CHD1: variants seen among roughly 807,000 people sequenced by gnomAD.
CHD1 encodes the protein chromodomain helicase DNA binding protein 1.
In CHD1, 36 loss-of-function variants were observed where a neutral mutation model predicts 224.2. That is an observed-to-expected ratio of 0.16 (90% confidence interval 0.12 to 0.21). The LOEUF (loss-of-function observed/expected upper bound fraction) is 0.21, where lower values mean the gene tolerates loss of function less well. Among genes scored for constraint, CHD1 ranks in the 10% least tolerant of loss-of-function variants. The pLI is 1.00. For missense variants in CHD1, 1,378 were observed against 1,994.8 expected (o/e 0.69, Z 5.89); for synonymous variants, 668 against 658.3 (o/e 1.01, Z -0.23).
At chr5:98,924,650 T>C (rs946970295) in intron 2 of CHD1, among the ~76,000 whole-genome samples, 1 of 152,204 alleles carries the variant, frequency 6.6e-6, no homozygotes, top group Non-Finnish European at 1.5e-5. Context: ...TGAAAGCTGA[T>C]AAACTAAAGT....
At chr5:98,869,246 T>C (rs1412115586) in intron 30 of CHD1, 4 of 985,570 alleles carry the variant, frequency 4.1e-6, no homozygotes, top group African/African-American at 1.7e-5. Context: ...TTTAATTTTT[T>C]TATTTGGATG....
At chr5:98,913,721 T>C (rs1752565721) in intron 2 of CHD1, among the ~76,000 whole-genome samples, 1 of 152,190 alleles carries the variant, frequency 6.6e-6, no homozygotes, top group Non-Finnish European at 1.5e-5. Context: ...AAGGAAAAGA[T>C]GTTATTAGTT....
intron 18 of CHD1, among the ~76,000 whole-genome samples, chr5:98,885,162 C>T (rs984578972): frequency 6.6e-6 from 1 of 152,138 alleles, no homozygotes; most frequent in African/African-American, 2.4e-5. Context: ...GAGGCTGAGG[C>T]AGGTGGATCA....
At chr5:98,903,011 T>G (rs779642143) in intron 4 of CHD1, 47 bp from the exon 5 acceptor site, 9 of 1,153,590 alleles carry the variant, frequency 7.8e-6, no homozygotes, top group Non-Finnish European at 1.0e-5. Flanking sequence ...TGATTAGAAT[T>G]TAACCATATT....
chr5:98,904,959 C>G lies in CHD1; in HGVS notation c.193G>C (p.Glu65Gln). ...GSESGSQSES[E>Q]SDTSRENKVQ... The stretch of plus-strand genomic sequence containing the variant: ...TTGTTTTCTCGGGAAGTGTCTGACT[C>G]AGACTCTGACTGACTGCCTGATTCA... The change falls in exon 3 of 36, where the codon GAG becomes CAG. Residue 65 changes from glutamate (E) to glutamine (Q), a missense_variant. Physicochemically the swap from Glu to Gln is conservative, Grantham distance 29 (BLOSUM62 2). Around this residue, in one of 16 missense-constraint regions of CHD1, gnomAD observed 306 missense variants for 298.1 expected, o/e 1.03. Coordinates refer to ENST00000614616, the MANE Select transcript of CHD1 (RefSeq NM_001270.4). The G allele has an allele frequency of 6.2e-7, 1 of 1,612,688 alleles. No homozygotes were observed. The highest frequency in any genetic ancestry group is 8.5e-7 in the Non-Finnish European group (1 of 1,178,658).
Position 98,881,603 on chromosome 5 carries a change from G to A in CHD1, c.2868-228C>T, listed in dbSNP as rs1411464095. On this transcript the variant is annotated intron_variant, in intron 20 of 35. Transcript: ENST00000614616. ...TAGCTCACTGCAACCTCCGCCTCCC[G>A]GGCTCAACTGATCCTCCCACCTCAG... 4.6e-5 allele frequency among the ~76,000 whole-genome samples: 7 copies of A among 151,292 alleles called. No individual in the cohort carries two copies. The East Asian group carries it at 7.7e-4, about 17-fold the overall frequency.
chr5:98,901,108 A>T, intron 6 of CHD1, 26 bp from the exon 7 acceptor site: 1 of 1,566,708 alleles, frequency 6.4e-7, no homozygotes, highest in Non-Finnish European at 8.6e-7. Flanking sequence ...GAGAAAAAAA[A>T]ACAAGATTTG....
intron 30 of CHD1, 128 bp downstream of exon 30, chr5:98,869,626 A>G (rs1010871426): frequency 5.2e-4 from 286 of 549,746 alleles, no homozygotes; most frequent in African/African-American, 2.6e-3. Context: ...GCGCGCGCAC[A>G]CACACACACA....
chr5:98,926,918 T>TGG lies in CHD1; in HGVS notation c.-148-386_-148-385dup, dbSNP rs34603767. Among the ~76,000 whole-genome samples, 494 of 59,680 alleles carry TGG rather than the reference T, an allele frequency of 8.3e-3. 6 individuals are homozygous for TGG. The highest frequency in any genetic ancestry group is 0.03 in the African/African-American group (426 of 14,064). 39.2% of individuals were successfully genotyped at this position (59,680 alleles called of 152,430 possible). A position where few individuals can be genotyped will look rare whatever the true frequency, so the allele number is the denominator to read the frequency against. ...AGATAACTTGGTCGAATAAATGAAG[T>TGG]GGGGGGGGGGGTGGGAGGAGGTTAC... On this transcript the variant is annotated intron_variant, in intron 1 of 35. Transcript: ENST00000614616.
Position 98,904,981 on chromosome 5 carries a change from T to C in CHD1, c.171A>G (p.Glu57=). 6.3e-7 allele frequency: 1 copy of C among 1,598,408 alleles called. No individual in the cohort carries two copies. Among genetic ancestry groups the C allele is most frequent in the African/African-American group, 1.3e-5 (1 of 74,704 alleles). The change falls in exon 3 of 36, where the codon GAA becomes GAG. Residue 57 remains glutamate, a synonymous_variant. Transcript: ENST00000614616. ...SGSSDSDSGS[E]SGSQSESESD... The stretch of plus-strand genomic sequence containing the variant: ...ACTCAGACTCTGACTGACTGCCTGA[T>C]TCAGATCCGGAGTCAGAGTCACTGC...
chr5:98,880,072 A>C (rs1240082288), intron 22 of CHD1, among the ~76,000 whole-genome samples: 1 of 152,242 alleles, frequency 6.6e-6, no homozygotes, highest in African/African-American at 2.4e-5. Context: ...TCCACCTATC[A>C]AGTATTGTAG....
chr5:98,858,106 G>C, intron 35 of CHD1, 74 bp downstream of exon 35: 1 of 1,180,066 alleles, frequency 8.5e-7, no homozygotes, highest in Non-Finnish European at 1.2e-6. Flanking sequence ...TGGCTGACAG[G>C]TCAAATACAG....
chr5:98,909,949 G>A (rs1426197526), intron 2 of CHD1, among the ~76,000 whole-genome samples: 1 of 152,110 alleles, frequency 6.6e-6, no homozygotes, highest in Non-Finnish European at 1.5e-5. Context: ...TAGTATGACA[G>A]GATGTACCAG....
Position 98,879,635 on chromosome 5 carries a change from T to G in CHD1, c.3154A>C (p.Arg1052=), listed in dbSNP as rs1300853256. 2 of 1,610,084 alleles carry G rather than the reference T, an allele frequency of 1.2e-6. No homozygotes were observed. Among genetic ancestry groups the G allele is most frequent in the Non-Finnish European group, 8.5e-7 (1 of 1,178,300 alleles). The change falls in exon 23 of 36, where the codon AGA becomes CGA. Residue 1052 remains arginine (R), a synonymous_variant. Transcript: ENST00000614616. ...NWEEIIPEDQ[R]RRLEEEERQK... ...CTTTCTTCTTCTTCTAATCGTCTTC[T>G]TTGATCTTCTGGAATAATTTCCTCC...
intron 7 of CHD1, among the ~76,000 whole-genome samples, chr5:98,900,106 C>G (rs528021986): frequency 6.6e-6 from 1 of 151,840 alleles, no homozygotes; most frequent in Non-Finnish European, 1.5e-5. Context: ...CACGGTGAAA[C>G]CCCATCTCTG....
intron 28 of CHD1, among the ~76,000 whole-genome samples, chr5:98,871,369 CAAAAAAAA>C (rs61406690): frequency 8.3e-4 from 39 of 46,772 alleles, no homozygotes; most frequent in African/African-American, 4.1e-3. Flanking sequence ...CCATTTTAGG[CAAAAAAAA>C]AAAAAAAAAA....
chr5:98,870,029 A>C (rs1661966166), intron 29 of CHD1, 147 bp from the exon 30 acceptor site: 2 of 579,632 alleles, frequency 3.5e-6, no homozygotes, highest in Admixed American at 6.6e-5. Context: ...GAAACTCAAT[A>C]AAGGTGATAT....
intron 2 of CHD1, among the ~76,000 whole-genome samples, chr5:98,908,687 T>C (rs757508751): frequency 1.3e-5 from 2 of 152,208 alleles, no homozygotes; most frequent in African/African-American, 4.8e-5. Flanking sequence ...GAAATATCTG[T>C]ACAACACTTG....
chr5:98,868,092 G>A (rs1561485535), intron 31 of CHD1, among the ~76,000 whole-genome samples: 1 of 151,894 alleles, frequency 6.6e-6, no homozygotes, highest in Non-Finnish European at 1.5e-5. Flanking sequence ...GAGCCACCAT[G>A]CCCAGGCTTA....
Sources: allele counts gnomAD v4.1 joint callset (sites outside exome capture counted in the v4.1 genomes callset), GRCh38; gene constraint gnomAD v4.1.1; regional missense constraint gnomAD v4.1.1; transcripts MANE v1.5; gene names NCBI Gene and HGNC (gene_info 2026-07-23, HGNC 2026-07-21).